HEATR4: variants seen among roughly 807,000 people sequenced by gnomAD.
The protein encoded by HEATR4 is HEAT repeat-containing protein 4.
In HEATR4, 95 loss-of-function variants were observed where a neutral mutation model predicts 108.8. That is an observed-to-expected ratio of 0.87 (90% CI 0.74 to 1.04). The LOEUF (loss-of-function observed/expected upper bound fraction) is 1.04, where lower values mean the gene tolerates loss of function less well. Ranked by LOEUF, HEATR4 falls within the 50% of genes least tolerant of loss-of-function variation. The pLI, the probability that HEATR4 is intolerant of heterozygous loss-of-function variation, is 0.00. For synonymous variants in HEATR4, 443 were observed against 459.4 expected, an observed-to-expected ratio of 0.96 and a Z score of 0.46; for missense variants, 1,152 against 1,253.8, an observed-to-expected ratio of 0.92 and a Z score of 1.23.
intron 1 of HEATR4, among the ~76,000 whole-genome samples, chr14:73,546,362 T>G (rs1451706828): frequency 1.4e-5 from 1 of 73,146 alleles, no homozygotes; most frequent in African/African-American, 1.2e-4. Context: ...ACATTTCGTA[T>G]TTTTTTTTTT....
chr14:73,575,734 G>C, the HEATR4 span: 1 of 403,640 alleles, frequency 2.5e-6, no homozygotes, highest in African/African-American at 2.1e-5. Context: ...CACAAGAAGT[G>C]GAAAAAGTCT....
chr14:73,569,845 G>C, the HEATR4 span: 3 of 1,604,848 alleles, frequency 1.9e-6, no homozygotes, highest in South Asian at 3.3e-5. Flanking sequence ...GAGCCGGTGC[G>C]CGTGGGCCGG....
intron 15 of HEATR4, 55 bp downstream of exon 15, chr14:73,496,545 AG>A: frequency 2.8e-6 from 3 of 1,059,382 alleles, no homozygotes; most frequent in Non-Finnish European, 4.4e-6. Flanking sequence ...ACAGGGTCTG[AG>A]GAACTCTTGA....
At chr14:73,578,425 C>T in the HEATR4 span, among the ~76,000 whole-genome samples, 1 of 151,868 alleles carries the variant, frequency 6.6e-6, no homozygotes, top group East Asian at 1.9e-4. Context: ...GACAAGGTTT[C>T]ACCATGTTGC....
chr14:73,491,450 A>G (rs1470132018), intron 17 of HEATR4: 2 of 1,388,140 alleles, frequency 1.4e-6, no homozygotes, highest in East Asian at 3.0e-5. Flanking sequence ...GGTGGTGGAG[A>G]CCTCGGCCCT....
chr14:73,619,649 G>A, the HEATR4 span: 3 of 1,614,170 alleles, frequency 1.9e-6, no homozygotes, highest in South Asian at 3.3e-5. Flanking sequence ...CCAGAAACTG[G>A]TCACTGTATT....
the HEATR4 span, among the ~76,000 whole-genome samples, chr14:73,600,972 C>G: frequency 6.6e-6 from 1 of 151,624 alleles, no homozygotes; most frequent in Admixed American, 6.6e-5. Context: ...GAAACCCCAT[C>G]TCTACTAAAA....
the HEATR4 span, among the ~76,000 whole-genome samples, chr14:73,616,290 G>T: frequency 1.3e-5 from 2 of 151,622 alleles, no homozygotes; most frequent in African/African-American, 4.8e-5. Flanking sequence ...TTCTAACTTG[G>T]TTTATTTTTG....
At chr14:73,629,116 C>T in the HEATR4 span, among the ~76,000 whole-genome samples, 6,605 of 152,014 alleles carry the variant, frequency 0.043, 177 homozygotes, top group Middle Eastern at 0.075. Context: ...CTGCAACCAC[C>T]ACCCTAGTGA....
At chr14:73,483,502 G>A (rs941814350) in intron 17 of HEATR4, among the ~76,000 whole-genome samples, 14 of 152,016 alleles carry the variant, frequency 9.2e-5, no homozygotes, top group African/African-American at 3.4e-4. Context: ...AAAACTACGT[G>A]TACCATCATG....
rs535794679 is a variant in HEATR4 at position 73,511,564 on chromosome 14, TAAAATA to T, written c.1558+436_1558+441del. The stretch of plus-strand genomic sequence containing the variant: ...ATAAATAAATAAATAAATAAATAAA[TAAAATA>T]AAATAAAAAAGAATGGGCTCTTGGC... On this transcript the variant is annotated intron_variant, in intron 7 of 17. Transcript: ENST00000553558. 6.7e-3 allele frequency among the ~76,000 whole-genome samples: 796 copies of T among 119,372 alleles called. 5 individuals are homozygous for T. The highest frequency in any genetic ancestry group is 0.022 in the African/African-American group (738 of 33,680). The allele number at this position is 119,372 out of a possible 152,430, so 78.3% of individuals were successfully genotyped here.
the HEATR4 span, chr14:73,574,947 G>C: frequency 6.2e-7 from 1 of 1,604,386 alleles, no homozygotes; most frequent in Non-Finnish European, 8.5e-7. Flanking sequence ...AATTTCCAAA[G>C]GGGGTGAGCT....
the HEATR4 span, chr14:73,575,612 A>G: frequency 6.4e-7 from 1 of 1,566,028 alleles, no homozygotes; most frequent in South Asian, 1.2e-5. Flanking sequence ...GTTTTTAATA[A>G]CTAAAGTTTT....
intron 17 of HEATR4, among the ~76,000 whole-genome samples, chr14:73,484,431 T>G (rs1013389313): frequency 2.0e-5 from 3 of 151,960 alleles, no homozygotes; most frequent in African/African-American, 7.3e-5. Flanking sequence ...CAGGCTGGAG[T>G]GCAGTGGCGC....
Position 73,512,060 on chromosome 14 carries a change from A to G in HEATR4, c.1504T>C (p.Cys502Arg). 6.2e-7 allele frequency: 1 copy of G among 1,614,102 alleles called. No individual in the cohort carries two copies. Among genetic ancestry groups the G allele is most frequent in the African/African-American group, 1.3e-5 (1 of 75,026 alleles). The change falls in exon 7 of 18, where the codon TGT becomes CGT. Residue 502 changes from cysteine to arginine, a missense_variant. Cys to Arg is a radical substitution (Grantham distance 180). Coordinates refer to ENST00000553558, the MANE Select transcript of HEATR4 (RefSeq NM_001220484.1). ...DDVRIKAITT[C>R]ATAALERPRI... ...GGCCGTTCCAAAGCAGCTGTGGCACATGTGGTGATAGCTTTGATCCGAACG... is the reference window on the plus strand; with the variant it reads ...GGCCGTTCCAAAGCAGCTGTGGCACGTGTGGTGATAGCTTTGATCCGAACG...
At chr14:73,514,882 C>G (rs1012140067) in intron 5 of HEATR4, among the ~76,000 whole-genome samples, 1 of 151,876 alleles carries the variant, frequency 6.6e-6, no homozygotes, top group Non-Finnish European at 1.5e-5. Flanking sequence ...TCCTGGCTAA[C>G]ACGGTGAAAA....
intron 17 of HEATR4, among the ~76,000 whole-genome samples, chr14:73,487,386 G>A (rs1310770569): frequency 6.6e-6 from 1 of 151,930 alleles, no homozygotes; most frequent in Non-Finnish European, 1.5e-5. Flanking sequence ...GGCCAACATG[G>A]GAAACCCCAT....
At chr14:73,543,050 G>A (rs1304851966) in intron 1 of HEATR4, 1 of 1,434,362 alleles carries the variant, frequency 7.0e-7, no homozygotes, top group Non-Finnish European at 9.5e-7. Context: ...CCTTTCTCAG[G>A]TAAAAGGTCC....
At chr14:73,577,939 C>T in the HEATR4 span, among the ~76,000 whole-genome samples, 1 of 152,040 alleles carries the variant, frequency 6.6e-6, no homozygotes, top group East Asian at 1.9e-4. Flanking sequence ...CAACCTCCGC[C>T]TCCTGGGTTC....
Sources: allele counts gnomAD v4.1 joint callset (sites outside exome capture counted in the v4.1 genomes callset), GRCh38; gene constraint gnomAD v4.1.1; transcripts MANE v1.5; gene names NCBI Gene and HGNC (gene_info 2026-07-23, HGNC 2026-07-21).